The following VPS53 variants were observed in gnomAD, a reference collection of about 807,000 sequenced individuals.
VPS53 encodes VPS53 subunit of GARP complex.
Under a neutral mutation model 107.0 loss-of-function variants are expected in VPS53, and 70 were observed. That is an observed-to-expected ratio of 0.65 (90% CI 0.54 to 0.80). VPS53 has a LOEUF of 0.80. Among genes scored for constraint, VPS53 ranks in the 30% least tolerant of loss-of-function variants. The pLI, the probability that VPS53 is intolerant of heterozygous loss-of-function variation, is 0.00. For synonymous variants in VPS53, 409 were observed against 393.3 expected, an observed-to-expected ratio of 1.04 and a Z score of -0.47; for missense variants, 917 against 1,049.4, an observed-to-expected ratio of 0.87 and a Z score of 1.74.
intron 6 of VPS53, among the ~76,000 whole-genome samples, chr17:653,825 G>A (rs964308330): frequency 4.6e-5 from 7 of 152,210 alleles, no homozygotes; most frequent in Non-Finnish European, 1.0e-4. Flanking sequence ...GGGTAGGGAT[G>A]TTACTATCTG....
intron 19 of VPS53, among the ~76,000 whole-genome samples, chr17:530,833 TG>T (rs1296184185): frequency 2.6e-5 from 4 of 152,196 alleles, no homozygotes; most frequent in Non-Finnish European, 5.9e-5. Context: ...TCGAGGACTC[TG>T]GGGCCCAAAG....
chr17:541,076 T>C (rs1473117128), intron 17 of VPS53, among the ~76,000 whole-genome samples: 1 of 152,210 alleles, frequency 6.6e-6, no homozygotes, highest in Non-Finnish European at 1.5e-5. Flanking sequence ...ACACAGAGCA[T>C]AGACTCAGAC....
chr17:713,506 A>C lies in VPS53; in HGVS notation c.87+1117T>G, dbSNP rs370351451. Reference sequence around the variant, plus strand: ...GGTCTCTACTAAAAATACAAAAATTAGCTAGGCATGGTAGCGGTTGCCTGT... The same window carrying C: ...GGTCTCTACTAAAAATACAAAAATTCGCTAGGCATGGTAGCGGTTGCCTGT... On this transcript the variant is annotated intron_variant, in intron 1 of 21. Transcript: ENST00000437048. Among the ~76,000 whole-genome samples the C allele has an allele frequency of 2.6e-5, 4 of 151,648 alleles. No individual in the cohort carries two copies. In the East Asian group the frequency reaches 7.8e-4, roughly 30 times the overall value.
chr17:706,342 T>G (rs898724948), intron 2 of VPS53, among the ~76,000 whole-genome samples: 4 of 151,904 alleles, frequency 2.6e-5, no homozygotes, highest in Non-Finnish European at 4.4e-5. Context: ...ATTGAAACCA[T>G]CCTGGCCAAC....
chr17:540,780 A>G (rs1305163118), intron 17 of VPS53, among the ~76,000 whole-genome samples: 1 of 152,152 alleles, frequency 6.6e-6, no homozygotes, highest in East Asian at 1.9e-4. Flanking sequence ...TCCGGGACCT[A>G]GTTTAACCAC....
chr17:542,024 AC>A (rs1910730909), intron 17 of VPS53, among the ~76,000 whole-genome samples: 1 of 151,776 alleles, frequency 6.6e-6, no homozygotes. Context: ...TCAAGCACCT[AC>A]CACGCACCAG....
intron 13 of VPS53, among the ~76,000 whole-genome samples, chr17:564,465 G>A (rs1382412032): frequency 3.3e-5 from 5 of 151,840 alleles, no homozygotes; most frequent in Non-Finnish European, 7.4e-5. Flanking sequence ...GCATGAACCC[G>A]GGAGGCGGAG....
intron 4 of VPS53, among the ~76,000 whole-genome samples, chr17:662,980 A>T (rs1971535655): frequency 1.3e-5 from 2 of 151,938 alleles, no homozygotes; most frequent in African/African-American, 4.8e-5. Flanking sequence ...CTGAGGCAGG[A>T]GGATTGCTTG....
chr17:697,346 C>T (rs907129811), intron 4 of VPS53, 72 bp downstream of exon 4: 7 of 1,261,324 alleles, frequency 5.5e-6, no homozygotes, highest in Non-Finnish European at 7.0e-6. Flanking sequence ...GAGGGCACAT[C>T]GACGTTTTGG....
At chr17:589,599 T>G (rs1279059870) in intron 12 of VPS53, among the ~76,000 whole-genome samples, 1 of 152,154 alleles carries the variant, frequency 6.6e-6, no homozygotes, top group Non-Finnish European at 1.5e-5. Flanking sequence ...TTCTCTTAGT[T>G]TGACATTATT....
At chr17:591,404 T>C (rs1967639754) in intron 12 of VPS53, among the ~76,000 whole-genome samples, 1 of 152,224 alleles carries the variant, frequency 6.6e-6, no homozygotes, top group Non-Finnish European at 1.5e-5. Context: ...TTTTCGTTAT[T>C]TCTTGCCTTC....
chr17:526,691 G>C (rs1597246178), intron 19 of VPS53, among the ~76,000 whole-genome samples: 1 of 152,246 alleles, frequency 6.6e-6, no homozygotes, highest in East Asian at 1.9e-4. Context: ...TTCTGGGGCA[G>C]TGTGGGCTGG....
intron 6 of VPS53, 36 bp from the exon 7 acceptor site, chr17:653,446 A>G (rs1228753583): frequency 6.2e-7 from 1 of 1,613,302 alleles, no homozygotes; most frequent in African/African-American, 1.3e-5. Context: ...GTCTAGAAAA[A>G]CACTAAAGAC....
At chr17:638,840 C>T (rs1970308507) in intron 7 of VPS53, among the ~76,000 whole-genome samples, 1 of 152,174 alleles carries the variant, frequency 6.6e-6, no homozygotes, top group African/African-American at 2.4e-5. Context: ...TCTCTGACTG[C>T]CTTTAACATT....
Position 551,858 on chromosome 17 carries a change from T to C in VPS53, c.1866+14A>G, listed in dbSNP as rs1668174558. On this transcript the variant is annotated intron_variant, in intron 17 of 21. Coordinates refer to ENST00000437048, the MANE Select transcript of VPS53 (RefSeq NM_001128159.3). ...TCTCGTTAGTTTGTAGGATGCCATT[T>C]CCCAAGACCTTACCTTGCTCATGGC... is the stretch of plus-strand genomic sequence containing the variant. 6.3e-7 allele frequency: 1 copy of C among 1,580,364 alleles called. No individual in the cohort carries two copies. Among genetic ancestry groups the C allele is most frequent in the Non-Finnish European group, 8.6e-7 (1 of 1,160,998 alleles).
chr17:617,606 C>A (rs938739328), intron 11 of VPS53, among the ~76,000 whole-genome samples: 1 of 150,554 alleles, frequency 6.6e-6, no homozygotes, highest in African/African-American at 2.5e-5. Flanking sequence ...CGTGCGCCAT[C>A]AGGCCCCGCT....
intron 12 of VPS53, among the ~76,000 whole-genome samples, chr17:596,977 A>G (rs1968004634): frequency 6.6e-6 from 1 of 152,206 alleles, no homozygotes; most frequent in Non-Finnish European, 1.5e-5. Flanking sequence ...TAAACAGATT[A>G]AATCGAACCG....
chr17:665,612 G>C (rs928104413), intron 4 of VPS53, among the ~76,000 whole-genome samples: 1 of 152,176 alleles, frequency 6.6e-6, no homozygotes, highest in South Asian at 2.1e-4. Flanking sequence ...GAGTGCTAAG[G>C]GGGATTCTGC....
At chr17:540,174 A>C (rs61212920) in intron 17 of VPS53, among the ~76,000 whole-genome samples, 27,243 of 151,372 alleles carry the variant, frequency 0.18, 6,114 homozygotes, top group African/African-American at 0.52. Context: ...ATAGTGATCA[A>C]GCAAAGGACT....
Sources: allele counts gnomAD v4.1 joint callset (sites outside exome capture counted in the v4.1 genomes callset), GRCh38; gene constraint gnomAD v4.1.1; transcripts MANE v1.5; gene names NCBI Gene and HGNC (gene_info 2026-07-23, HGNC 2026-07-21).